Variants in PTPN12 observed in about 807,000 individuals in gnomAD.
The protein encoded by PTPN12 is tyrosine-protein phosphatase non-receptor type 12.
A neutral mutation model predicts 97.6 loss-of-function variants in PTPN12; 29 were observed. The ratio of observed to expected loss-of-function variants is 0.30; its 90% confidence interval spans 0.22 to 0.41. The LOEUF (loss-of-function observed/expected upper bound fraction) is 0.41, where lower values mean the gene tolerates loss of function less well. Among genes scored for constraint, PTPN12 ranks in the 10% least tolerant of loss-of-function variants. The probability of loss-of-function intolerance (pLI) is 1.00; values close to 1 mark genes in which losing one functional copy is unlikely to be tolerated. For missense variants in PTPN12, 819 were observed against 926.0 expected (o/e 0.88, Z 1.50); for synonymous variants, 327 against 300.4 (o/e 1.09, Z -0.91).
At chr7:77,585,397 C>G in intron 4 of PTPN12, 146 bp from the exon 5 acceptor site, 2 of 584,058 alleles carry the variant, frequency 3.4e-6, no homozygotes, top group South Asian at 4.9e-5. Context: ...ATTTCTTTAA[C>G]TTACACATTT....
chr7:77,564,539 G>A (rs539377489), intron 1 of PTPN12, among the ~76,000 whole-genome samples: 2 of 152,012 alleles, frequency 1.3e-5, no homozygotes, highest in Admixed American at 6.6e-5. Flanking sequence ...AAATTTTCCG[G>A]AGCAATTAGG....
intron 12 of PTPN12, among the ~76,000 whole-genome samples, chr7:77,623,654 C>T (rs995608379): frequency 2.6e-5 from 4 of 152,152 alleles, no homozygotes; most frequent in Admixed American, 1.3e-4. Context: ...GCGGAGGTTG[C>T]AGTAAGCTGA....
intron 14 of PTPN12, among the ~76,000 whole-genome samples, chr7:77,634,764 G>C (rs955189854): frequency 6.6e-6 from 1 of 151,670 alleles, no homozygotes; most frequent in African/African-American, 2.4e-5. Flanking sequence ...TTTTTTAGTA[G>C]AGACAGGGTT....
At chr7:77,543,410 T>C (rs926810543) in intron 1 of PTPN12, among the ~76,000 whole-genome samples, 10 of 151,754 alleles carry the variant, frequency 6.6e-5, no homozygotes, top group Non-Finnish European at 1.2e-4. Flanking sequence ...TCTATGTGTA[T>C]ATCCTCTTTA....
At chr7:77,567,790 C>A (rs1372505707) in intron 1 of PTPN12, among the ~76,000 whole-genome samples, 1 of 152,118 alleles carries the variant, frequency 6.6e-6, no homozygotes, top group African/African-American at 2.4e-5. Context: ...TTAAAGAGTT[C>A]CAGTAATTAG....
intron 1 of PTPN12, 143 bp downstream of exon 1, chr7:77,537,788 T>C: frequency 1.1e-6 from 1 of 926,538 alleles, no homozygotes; most frequent in Non-Finnish European, 1.5e-6. Context: ...AGCCGGGTGG[T>C]CTCGGAGGCC....
intron 11 of PTPN12, among the ~76,000 whole-genome samples, chr7:77,614,706 A>G (rs1264221406): frequency 6.6e-6 from 1 of 152,222 alleles, no homozygotes; most frequent in African/African-American, 2.4e-5. Flanking sequence ...GTTGCAGACC[A>G]TAAATCTTAA....
At chr7:77,584,856 G>A (rs1045695197) in intron 4 of PTPN12, among the ~76,000 whole-genome samples, 18 of 148,090 alleles carry the variant, frequency 1.2e-4, no homozygotes, top group African/African-American at 4.0e-4. Flanking sequence ...CAGCCTGGGC[G>A]ACAGAGCGAG....
In PTPN12 at chr7:77,610,943, C is replaced by T. The variant is rs1223584756; in HGVS notation, c.841-5C>T. 2.5e-6 allele frequency: 4 copies of T among 1,599,076 alleles called. No individual in the cohort carries two copies. Among genetic ancestry groups the T allele is most frequent in the Non-Finnish European group, 3.4e-6 (4 of 1,173,352 alleles). On this transcript the variant is annotated splice_region_variant and splice_polypyrimidine_tract_variant and intron_variant, in intron 10 of 17. Transcript: ENST00000248594. Reference sequence around the variant, plus strand: ...TTGTTTTTTAATCATTTTTCTCCTTCATAGGAGCAATATGAACTTGTTCAT... The same window carrying T: ...TTGTTTTTTAATCATTTTTCTCCTTTATAGGAGCAATATGAACTTGTTCAT...
At chr7:77,621,000 G>A (rs1295724184) in intron 12 of PTPN12, among the ~76,000 whole-genome samples, 7 of 152,074 alleles carry the variant, frequency 4.6e-5, no homozygotes, top group African/African-American at 2.4e-5. Context: ...AGTGGCTCAC[G>A]CCTGTAGTCC....
At chr7:77,539,196 C>A (rs532858641) in intron 1 of PTPN12, among the ~76,000 whole-genome samples, 1 of 152,094 alleles carries the variant, frequency 6.6e-6, no homozygotes, top group African/African-American at 2.4e-5. Context: ...AAAATAGGCC[C>A]TTGACCATAC....
At chr7:77,544,072 A>AT (rs966589706) in intron 1 of PTPN12, among the ~76,000 whole-genome samples, 9 of 152,192 alleles carry the variant, frequency 5.9e-5, no homozygotes, top group Admixed American at 4.6e-4. Context: ...TATGTTTAAC[A>AT]TTTTGCGGAA....
At chr7:77,589,069 TC>T (rs1004951179) in intron 5 of PTPN12, among the ~76,000 whole-genome samples, 74 of 152,292 alleles carry the variant, frequency 4.9e-4, no homozygotes, top group African/African-American at 1.8e-3. Context: ...AGATGGGGTT[TC>T]ACTGTGTTGG....
chr7:77,620,820 C>T (rs750806227), intron 12 of PTPN12, among the ~76,000 whole-genome samples: 1 of 152,112 alleles, frequency 6.6e-6, no homozygotes, highest in Admixed American at 6.5e-5. Context: ...TGGTGGCACG[C>T]GCCTGCAGTT....
At chr7:77,628,933 G>A (rs1056748720) in intron 13 of PTPN12, among the ~76,000 whole-genome samples, 2 of 152,094 alleles carry the variant, frequency 1.3e-5, no homozygotes, top group Non-Finnish European at 2.9e-5. Flanking sequence ...TAACTTGAGA[G>A]AGTGTATTTG....
intron 13 of PTPN12, among the ~76,000 whole-genome samples, chr7:77,631,794 T>C (rs1447305883): frequency 6.6e-6 from 1 of 152,252 alleles, no homozygotes; most frequent in Non-Finnish European, 1.5e-5. Flanking sequence ...TATATCTTTA[T>C]CTGTTTTGGA....
chr7:77,585,778 T>A (rs962654305), intron 5 of PTPN12, among the ~76,000 whole-genome samples, 197 bp downstream of exon 5: 2 of 152,180 alleles, frequency 1.3e-5, no homozygotes, highest in Non-Finnish European at 2.9e-5. Flanking sequence ...TAAGTATGTT[T>A]TATCACACAC....
chr7:77,634,149 A>G (rs752660173), intron 14 of PTPN12, among the ~76,000 whole-genome samples: 5 of 150,976 alleles, frequency 3.3e-5, no homozygotes, highest in Non-Finnish European at 7.4e-5. Context: ...GCAGTGAGCC[A>G]TGATCGCACC....
intron 7 of PTPN12, among the ~76,000 whole-genome samples, chr7:77,598,985 A>G (rs1788107568): frequency 6.6e-6 from 1 of 151,190 alleles, no homozygotes; most frequent in African/African-American, 2.4e-5. Flanking sequence ...ATAGTATACT[A>G]TGTTATTTAA....
Sources: allele counts gnomAD v4.1 joint callset (sites outside exome capture counted in the v4.1 genomes callset), GRCh38; gene constraint gnomAD v4.1.1; transcripts MANE v1.5; gene names NCBI Gene and HGNC (gene_info 2026-07-23, HGNC 2026-07-21).